Variants in PTPN13 observed in about 807,000 individuals in gnomAD.
PTPN13 encodes protein tyrosine phosphatase non-receptor type 13, also known as tyrosine-protein phosphatase non-receptor type 13.
PTPN13 carries 191 observed loss-of-function variants against 284.0 expected under a neutral mutation model. The observed-to-expected ratio is 0.67, with a 90% confidence interval of 0.60 to 0.76. The LOEUF is 0.76. Ranked by LOEUF, PTPN13 falls within the 30% of genes least tolerant of loss-of-function variation. The probability of loss-of-function intolerance (pLI) is 0.00; values close to 1 mark genes in which losing one functional copy is unlikely to be tolerated. For synonymous variants in PTPN13, 986 were observed against 1,022.3 expected, an observed-to-expected ratio of 0.96 and a Z score of 0.68; for missense variants, 2,797 against 2,939.9, an observed-to-expected ratio of 0.95 and a Z score of 1.12.
At position 86,785,354 on chromosome 4, in the gene PTPN13, A is replaced by G; in HGVS notation, c.6242A>G (p.Tyr2081Cys). The change falls in exon 39 of 48, where the codon TAC becomes TGC. Residue 2081 changes from tyrosine to cysteine, a missense_variant. Coordinates refer to ENST00000411767, the MANE Select transcript of PTPN13 (RefSeq NM_080683.3). ...NLLNENNAAG[Y>C]SCGPGTLKMN... The stretch of plus-strand genomic sequence containing the variant: ...TTAAACGAAAATAATGCAGCAGGAT[A>G]CTCCTGTGGTCCAGGTACGTGAACC... 1 of 1,610,692 alleles carries G rather than the reference A, an allele frequency of 6.2e-7. No homozygotes were observed. The highest frequency in any genetic ancestry group is 8.5e-7 in the Non-Finnish European group (1 of 1,178,224).
At chr4:86,653,619 C>A (rs779076262) in intron 2 of PTPN13, among the ~76,000 whole-genome samples, 16 of 151,500 alleles carry the variant, frequency 1.1e-4, no homozygotes, top group Non-Finnish European at 1.9e-4. Context: ...AAATTTCAAA[C>A]CATTGTTTTC....
intron 17 of PTPN13, among the ~76,000 whole-genome samples, chr4:86,745,720 G>A (rs1234902245): frequency 6.6e-6 from 1 of 151,952 alleles, no homozygotes; most frequent in African/African-American, 2.4e-5. Context: ...AGGTTGCAGT[G>A]AGCTGAGGTC....
chr4:86,678,990 T>G (rs1728598915), intron 3 of PTPN13, among the ~76,000 whole-genome samples: 1 of 152,198 alleles, frequency 6.6e-6, no homozygotes, highest in South Asian at 2.1e-4. Flanking sequence ...TGTTTAAAAT[T>G]ATTCAGATTC....
At chr4:86,703,040 G>C (rs1309788256) in intron 7 of PTPN13, among the ~76,000 whole-genome samples, 1 of 152,036 alleles carries the variant, frequency 6.6e-6, no homozygotes, top group African/African-American at 2.4e-5. Context: ...GCTGTACTTT[G>C]AGTAAAAGAA....
At chr4:86,596,235 T>A (rs752551687) in intron 1 of PTPN13, among the ~76,000 whole-genome samples, 1 of 152,222 alleles carries the variant, frequency 6.6e-6, no homozygotes, top group Non-Finnish European at 1.5e-5. Flanking sequence ...GATTTCATAG[T>A]GTTTTTCACT....
chr4:86,763,283 T>C, intron 24 of PTPN13, 93 bp downstream of exon 24: 1 of 1,077,358 alleles, frequency 9.3e-7, no homozygotes, highest in Admixed American at 2.3e-5. Context: ...CAAGATGCTT[T>C]CATTATTCTG....
At chr4:86,639,407 G>A (rs1723474138) in intron 2 of PTPN13, among the ~76,000 whole-genome samples, 2 of 152,150 alleles carry the variant, frequency 1.3e-5, no homozygotes, top group African/African-American at 4.8e-5. Flanking sequence ...ATTCACAATA[G>A]CAAAGACTTG....
At chr4:86,647,668 T>C (rs149874095) in intron 2 of PTPN13, among the ~76,000 whole-genome samples, 2 of 152,136 alleles carry the variant, frequency 1.3e-5, no homozygotes, top group South Asian at 2.1e-4. Flanking sequence ...AATAGGACTG[T>C]ATCAAAGATA....
chr4:86,624,728 G>A (rs995134743), intron 1 of PTPN13, among the ~76,000 whole-genome samples: 6 of 152,102 alleles, frequency 3.9e-5, no homozygotes, highest in Admixed American at 3.3e-4. Context: ...AGGCGGGATT[G>A]CTTAAGGCCA....
chr4:86,782,000 G>A (rs558150855), intron 36 of PTPN13, among the ~76,000 whole-genome samples: 1 of 151,466 alleles, frequency 6.6e-6, no homozygotes, highest in African/African-American at 2.4e-5. Flanking sequence ...TTTTTCCTTG[G>A]GATAAACCCA....
chr4:86,763,277 A>T (rs1738917147), intron 24 of PTPN13, 87 bp downstream of exon 24: 5 of 1,100,464 alleles, frequency 4.5e-6, no homozygotes, highest in South Asian at 1.5e-5. Flanking sequence ...AATCTACAAG[A>T]TGCTTTCATT....
chr4:86,630,518 G>A (rs1461058192), intron 1 of PTPN13, among the ~76,000 whole-genome samples: 1 of 152,066 alleles, frequency 6.6e-6, no homozygotes, highest in Non-Finnish European at 1.5e-5. Flanking sequence ...TAATATATGG[G>A]CTGTGTCTCA....
intron 3 of PTPN13, among the ~76,000 whole-genome samples, chr4:86,680,629 C>T (rs998214797): frequency 6.6e-6 from 1 of 152,114 alleles, no homozygotes; most frequent in Non-Finnish European, 1.5e-5. Flanking sequence ...CAGATTAATA[C>T]CCCTGATCAT....
Position 86,775,278 on chromosome 4 carries a change from C to T in PTPN13, c.5616C>T (p.Pro1872=), listed in dbSNP as rs1347559927. 5.0e-6 allele frequency: 8 copies of T among 1,613,524 alleles called. No homozygotes were observed. The highest frequency in any genetic ancestry group is 6.8e-6 in the Non-Finnish European group (8 of 1,179,738). ...TTATTGGACGAGTTCTAGAATTACC[C>T]AGAATACCAATGTTGCCTCATTTGC... ...RLVIGRVLEL[P]RIPMLPHLLP... is the part of the protein sequence containing the mutation. Residue 1872 remains proline, a synonymous_variant, in exon 34 of 48, where the codon CCC becomes CCT. Coordinates refer to ENST00000411767, the MANE Select transcript of PTPN13 (RefSeq NM_080683.3).
intron 16 of PTPN13, among the ~76,000 whole-genome samples, chr4:86,743,685 C>A (rs1736413122): frequency 6.6e-6 from 1 of 152,042 alleles, no homozygotes; most frequent in African/African-American, 2.4e-5. Context: ...TCTAAAATTT[C>A]TTTGAATTTA....
At chr4:86,616,408 A>G (rs890600229) in intron 1 of PTPN13, among the ~76,000 whole-genome samples, 2 of 152,144 alleles carry the variant, frequency 1.3e-5, no homozygotes, top group African/African-American at 4.8e-5. Context: ...GAATGAAGTG[A>G]GGCAGCTCAG....
In PTPN13 at chr4:86,765,508, T is replaced by G. The variant is rs772192409; in HGVS notation, c.4243+20T>G. On this transcript the variant is annotated intron_variant, in intron 26 of 47. Transcript: ENST00000411767. The stretch of plus-strand genomic sequence containing the variant: ...ACAAAGGTATAGTGTTTATATTATG[T>G]GGGAATTATATGTATGAATATTACA... 1 of 1,502,484 alleles carries G rather than the reference T, an allele frequency of 6.7e-7. No homozygotes were observed. The highest frequency in any genetic ancestry group is 1.4e-5 in the African/African-American group (1 of 72,174). The allele number at this position is 1,502,484 out of a possible 1,614,324, so 93.1% of individuals were successfully genotyped here.
At chr4:86,757,381 C>G (rs1206874621) in intron 20 of PTPN13, among the ~76,000 whole-genome samples, 1 of 152,154 alleles carries the variant, frequency 6.6e-6, no homozygotes, top group Non-Finnish European at 1.5e-5. Context: ...TCTTTACTTA[C>G]TTGTGAGATT....
chr4:86,662,005 T>A (rs1445496888), intron 2 of PTPN13, among the ~76,000 whole-genome samples: 5 of 152,210 alleles, frequency 3.3e-5, no homozygotes, highest in South Asian at 2.1e-4. Flanking sequence ...TAAAAAAAAA[T>A]TTAAAACCTG....
Sources: gnomAD v4.1 joint callset for allele counts (sites outside exome capture counted in the v4.1 genomes callset) on GRCh38, gnomAD v4.1.1 for gene constraint, MANE v1.5 for transcripts, NCBI Gene and HGNC (gene_info 2026-07-23, HGNC 2026-07-21) for gene names.